Variants in CNTN4 observed in about 807,000 individuals in gnomAD.
The protein encoded by CNTN4 is contactin-4.
Under a neutral mutation model 122.5 loss-of-function variants are expected in CNTN4, and 77 were observed. That is an observed-to-expected ratio of 0.63 (90% CI 0.52 to 0.76). The LOEUF is 0.76. Among genes scored for constraint, CNTN4 ranks in the 30% least tolerant of loss-of-function variants. CNTN4 has a pLI of 0.00. For missense variants in CNTN4, 1,256 were observed against 1,259.1 expected (o/e 1.00, Z 0.04); for synonymous variants, 512 against 447.0 (o/e 1.15, Z -1.83).
rs974239706 is a variant in CNTN4 at position 2,580,724 on chromosome 3, C to T, written c.55+9166C>T. Among the ~76,000 whole-genome samples the T allele has an allele frequency of 1.5e-4, 23 of 152,248 alleles. 1 individual carries two copies. The highest frequency in any genetic ancestry group is 5.3e-4 in the African/African-American group (22 of 41,548). ...TAAGAAGGCTGTTAGGAATTAGAGA[C>T]AACTGCAATAATAATAGTAAGAGTA... On this transcript the variant is annotated intron_variant, in intron 4 of 24. Coordinates refer to ENST00000418658, the MANE Select transcript of CNTN4 (RefSeq NM_175607.3).
At chr3:3,040,531 G>A in intron 20 of CNTN4, 1 of 526,836 alleles carries the variant, frequency 1.9e-6, no homozygotes, top group Non-Finnish European at 3.4e-6. Flanking sequence ...TACCATATAA[G>A]ATCTTCATAT....
intron 10 of CNTN4, among the ~76,000 whole-genome samples, chr3:2,895,797 G>A (rs2094103620): frequency 6.6e-6 from 1 of 152,230 alleles, no homozygotes; most frequent in Non-Finnish European, 1.5e-5. Flanking sequence ...CACTTTGGGA[G>A]GCCGAGGCGG....
intron 3 of CNTN4, among the ~76,000 whole-genome samples, chr3:2,568,317 G>GAAAA (rs770465722): frequency 1.3e-3 from 92 of 70,764 alleles, no homozygotes; most frequent in Non-Finnish European, 1.7e-3. Context: ...GCAAGAATGT[G>GAAAA]AAAAAAAAAA....
intron 13 of CNTN4, among the ~76,000 whole-genome samples, chr3:2,981,240 C>G (rs1266228639): frequency 3.9e-5 from 6 of 152,138 alleles, no homozygotes; most frequent in South Asian, 2.1e-4. Flanking sequence ...GTCAGGAGAT[C>G]GAGACCATCC....
At chr3:2,894,278 A>G (rs867899035) in intron 10 of CNTN4, among the ~76,000 whole-genome samples, 6 of 152,314 alleles carry the variant, frequency 3.9e-5, no homozygotes, top group African/African-American at 1.4e-4. Context: ...GGACTCTCTT[A>G]AGGAAACCTG....
chr3:2,229,147 C>G (rs988129176), intron 2 of CNTN4, among the ~76,000 whole-genome samples: 1 of 152,088 alleles, frequency 6.6e-6, no homozygotes, highest in African/African-American at 2.4e-5. Flanking sequence ...GATGGTTGTT[C>G]ATACTAAGAG....
intron 15 of CNTN4, among the ~76,000 whole-genome samples, chr3:3,029,187 G>A (rs907856639): frequency 2.6e-5 from 4 of 152,206 alleles, no homozygotes; most frequent in South Asian, 2.1e-4. Flanking sequence ...AACAAAAGAC[G>A]TTTTGGGTTA....
At chr3:2,530,006 A>C (rs2077537226) in intron 3 of CNTN4, among the ~76,000 whole-genome samples, 1 of 152,186 alleles carries the variant, frequency 6.6e-6, no homozygotes, top group African/African-American at 2.4e-5. Flanking sequence ...TGTGCTTTTT[A>C]GATTTCCCTC....
intron 13 of CNTN4, among the ~76,000 whole-genome samples, chr3:2,949,424 C>CT (rs1014244651): frequency 2.6e-5 from 4 of 152,164 alleles, no homozygotes; most frequent in African/African-American, 9.7e-5. Flanking sequence ...AAGAAGCACC[C>CT]TAGCGATGCT....
At chr3:2,388,977 G>A (rs1055523308) in intron 3 of CNTN4, among the ~76,000 whole-genome samples, 2 of 151,868 alleles carry the variant, frequency 1.3e-5, no homozygotes, top group East Asian at 3.9e-4. Flanking sequence ...GGCCAACATG[G>A]TGAAACCCTG....
At chr3:2,453,853 C>T (rs2048912906) in intron 3 of CNTN4, among the ~76,000 whole-genome samples, 1 of 152,102 alleles carries the variant, frequency 6.6e-6, no homozygotes, top group South Asian at 2.1e-4. Flanking sequence ...TATGCAAAAT[C>T]ATTAAGATGG....
chr3:2,608,616 G>A (rs112533224), intron 4 of CNTN4, among the ~76,000 whole-genome samples: 3,824 of 152,236 alleles, frequency 0.025, 162 homozygotes, highest in African/African-American at 0.087. Flanking sequence ...TGAGTAGCTG[G>A]TATTACAGGC....
At chr3:2,824,063 G>C (rs2092933114) in intron 7 of CNTN4, among the ~76,000 whole-genome samples, 1 of 151,646 alleles carries the variant, frequency 6.6e-6, no homozygotes, top group Non-Finnish European at 1.5e-5. Context: ...GACAGCTTGA[G>C]AATCTGGAGG....
intron 4 of CNTN4, among the ~76,000 whole-genome samples, chr3:2,631,795 A>G (rs1003612085): frequency 1.3e-5 from 2 of 150,330 alleles, no homozygotes; most frequent in South Asian, 2.1e-4. Context: ...TCAGAAGGCC[A>G]AGATGGGAAA....
At chr3:2,657,657 G>A (rs955916052) in intron 4 of CNTN4, among the ~76,000 whole-genome samples, 25 of 152,248 alleles carry the variant, frequency 1.6e-4, no homozygotes, top group African/African-American at 4.8e-4. Context: ...CAGTTTCTCA[G>A]ATGGGTGAGT....
rs766658299 is a variant in CNTN4, at chr3:2,677,520, ATCTG to A, written c.56-58693_56-58690del. Among the ~76,000 whole-genome samples the A allele has an allele frequency of 2.6e-3, 352 of 136,612 alleles. 3 individuals carry two copies. Among genetic ancestry groups the A allele is most frequent in the Admixed American group, 7.9e-3 (106 of 13,488 alleles). 89.6% of individuals were successfully genotyped at this position (136,612 alleles called of 152,430 possible). A position where few individuals can be genotyped will look rare whatever the true frequency, so the allele number is the denominator to read the frequency against. The stretch of plus-strand genomic sequence containing the variant: ...TATCTATCTATCTATCTATCTATCT[ATCTG>A]TAGAGAGAAAGAGCACACACTTACG... On this transcript the variant is annotated intron_variant, in intron 4 of 24. Transcript: ENST00000418658.
At chr3:2,946,704 C>CTT (rs55883455) in intron 13 of CNTN4, among the ~76,000 whole-genome samples, 2,950 of 119,328 alleles carry the variant, frequency 0.025, 80 homozygotes, top group Non-Finnish European at 0.036. Context: ...TTTTTTTTTT[C>CTT]TTTTTTTTTT....
chr3:2,822,125 G>C (rs563000610), intron 7 of CNTN4, among the ~76,000 whole-genome samples: 65 of 152,322 alleles, frequency 4.3e-4, no homozygotes, highest in African/African-American at 1.5e-3. Context: ...AAGACTGACA[G>C]AAAATCTAGG....
At chr3:2,754,251 C>A (rs1042183110) in intron 6 of CNTN4, among the ~76,000 whole-genome samples, 1 of 152,146 alleles carries the variant, frequency 6.6e-6, no homozygotes, top group African/African-American at 2.4e-5. Context: ...GGGCCTTCAT[C>A]CTGGAATTTT....
Sources: allele counts gnomAD v4.1 joint callset (sites outside exome capture counted in the v4.1 genomes callset), GRCh38; gene constraint gnomAD v4.1.1; transcripts MANE v1.5; gene names NCBI Gene and HGNC (gene_info 2026-07-23, HGNC 2026-07-21).